CORIN: variants seen among roughly 807,000 people sequenced by gnomAD.
CORIN encodes atrial natriuretic peptide-converting enzyme.
Under a neutral mutation model 125.3 loss-of-function variants are expected in CORIN, and 117 were observed. The ratio of observed to expected loss-of-function variants is 0.93; its 90% CI spans 0.80 to 1.09. CORIN has a LOEUF of 1.09. CORIN is among the 50% of genes least tolerant of loss of function. CORIN has a pLI of 0.00. For missense variants in CORIN, 1,253 were observed against 1,306.7 expected, an observed-to-expected ratio of 0.96 and a Z score of 0.63; for synonymous variants, 450 against 466.4, an observed-to-expected ratio of 0.96 and a Z score of 0.45.
intron 16 of CORIN, among the ~76,000 whole-genome samples, 163 bp from the exon 17 acceptor site, chr4:47,626,684 C>T (rs10005710): frequency 0.26 from 39,687 of 152,116 alleles, 5,405 homozygotes; most frequent in Admixed American, 0.35. Context: ...CTGTTTTAGT[C>T]ATTCTCCCTG....
chr4:47,730,932 AG>A (rs1421281578), intron 5 of CORIN, among the ~76,000 whole-genome samples: 2 of 152,250 alleles, frequency 1.3e-5, no homozygotes, highest in Non-Finnish European at 2.9e-5. Context: ...AGAGGGAGGC[AG>A]CAAGGAAGCC....
intron 4 of CORIN, among the ~76,000 whole-genome samples, chr4:47,761,480 T>TACACACACACACACACACACACACACAC (rs142904418): frequency 6.9e-6 from 1 of 144,410 alleles, no homozygotes; most frequent in African/African-American, 2.5e-5. Flanking sequence ...GAAAATGTGA[T>TACACACACACACACACACACACACACAC]ACACACACAC....
intron 16 of CORIN, among the ~76,000 whole-genome samples, chr4:47,634,159 A>T (rs945188612): frequency 2.0e-5 from 3 of 152,222 alleles, no homozygotes; most frequent in African/African-American, 7.2e-5. Flanking sequence ...AGTACCCTCA[A>T]GGCTCTTCAG....
intron 4 of CORIN, among the ~76,000 whole-genome samples, chr4:47,753,022 C>T (rs1728973612): frequency 6.6e-6 from 1 of 152,108 alleles, no homozygotes; most frequent in Non-Finnish European, 1.5e-5. Context: ...AACCAGCCCC[C>T]AATATTTCAA....
rs567609145 is a variant in CORIN, at chr4:47,680,463, G to A, written c.1022-212C>T. On this transcript the variant is annotated intron_variant, in intron 7 of 21. Coordinates refer to ENST00000273857, the MANE Select transcript of CORIN (RefSeq NM_006587.4). ...CATCACTGTGGGGTAAGATGGGTCT[G>A]TTTTTCAGATAAGTAACTACTCTAG... 22 of 469,554 alleles carry A rather than the reference G, an allele frequency of 4.7e-5. No individual in the cohort carries two copies. The East Asian group carries it at 8.5e-4, about 18-fold the overall frequency. The allele number at this position is 469,554 out of a possible 1,614,324, so 29.1% of individuals were successfully genotyped here. A position where few individuals can be genotyped will look rare whatever the true frequency, so the allele number is the denominator to read the frequency against.
intron 16 of CORIN, among the ~76,000 whole-genome samples, chr4:47,636,105 G>A (rs1027078624): frequency 1.3e-5 from 2 of 152,114 alleles, no homozygotes; most frequent in African/African-American, 4.8e-5. Flanking sequence ...TTGTCTTTGT[G>A]GTTTTGCCCA....
intron 4 of CORIN, among the ~76,000 whole-genome samples, chr4:47,753,916 C>A (rs1024482278): frequency 5.9e-5 from 9 of 152,160 alleles, no homozygotes; most frequent in Non-Finnish European, 1.3e-4. Context: ...TATTTGGGAA[C>A]TGATAAATGT....
intron 19 of CORIN, among the ~76,000 whole-genome samples, chr4:47,620,123 A>T (rs7657209): frequency 0.27 from 40,940 of 152,064 alleles, 5,652 homozygotes; most frequent in Admixed American, 0.35. Context: ...CTTGTTTAAA[A>T]GTGTGTCTCC....
At chr4:47,723,602 CA>C (rs1412641092) in intron 5 of CORIN, among the ~76,000 whole-genome samples, 3 of 152,154 alleles carry the variant, frequency 2.0e-5, no homozygotes, top group African/African-American at 7.2e-5. Flanking sequence ...GAAACAAACA[CA>C]CAAACAAAAT....
At chr4:47,817,244 A>G (rs544471240) in intron 1 of CORIN, among the ~76,000 whole-genome samples, 1 of 151,588 alleles carries the variant, frequency 6.6e-6, no homozygotes, top group South Asian at 2.1e-4. Context: ...GAAGTGGCAG[A>G]ATGTATTAAG....
intron 17 of CORIN, among the ~76,000 whole-genome samples, chr4:47,626,196 C>T (rs563469159): frequency 3.3e-5 from 5 of 151,516 alleles, no homozygotes; most frequent in East Asian, 1.9e-4. Flanking sequence ...TTTCTGTAAT[C>T]GTGAATAAAA....
At chr4:47,623,102 A>C (rs374032055) in intron 19 of CORIN, among the ~76,000 whole-genome samples, 3,064 of 96,412 alleles carry the variant, frequency 0.032, 58 homozygotes, top group Middle Eastern at 0.067. Flanking sequence ...CTCTCTATAT[A>C]TATATATATA....
chr4:47,662,241 C>T (rs1338618586), intron 11 of CORIN, among the ~76,000 whole-genome samples: 1 of 152,106 alleles, frequency 6.6e-6, no homozygotes, highest in Non-Finnish European at 1.5e-5. Flanking sequence ...CCACCAAAGT[C>T]ATTGAATCTA....
chr4:47,609,809 T>C (rs1242585286), intron 19 of CORIN, among the ~76,000 whole-genome samples: 1 of 152,186 alleles, frequency 6.6e-6, no homozygotes, highest in East Asian at 1.9e-4. Context: ...TATGTGTCCA[T>C]GTGTTCTCAT....
chr4:47,757,867 C>CATATATATATGTATATATATATAT (rs964061541), intron 4 of CORIN, among the ~76,000 whole-genome samples: 1 of 91,744 alleles, frequency 1.1e-5, no homozygotes, highest in African/African-American at 4.9e-5. Flanking sequence ...CATATATATA[C>CATATATATATGTATATATATATAT]ATATATATAT....
intron 19 of CORIN, among the ~76,000 whole-genome samples, chr4:47,622,799 T>G (rs1357498367): frequency 6.6e-6 from 1 of 152,072 alleles, no homozygotes; most frequent in Non-Finnish European, 1.5e-5. Flanking sequence ...CTCATCAGGT[T>G]TTGGATTCAC....
intron 3 of CORIN, among the ~76,000 whole-genome samples, chr4:47,768,597 T>C (rs1217668681): frequency 6.6e-6 from 1 of 152,148 alleles, no homozygotes; most frequent in East Asian, 1.9e-4. Flanking sequence ...GCAAACCAAA[T>C]TCAACAGCAC....
At chr4:47,748,563 G>A (rs1728764140) in intron 4 of CORIN, among the ~76,000 whole-genome samples, 1 of 152,088 alleles carries the variant, frequency 6.6e-6, no homozygotes, top group Non-Finnish European at 1.5e-5. Flanking sequence ...TTTTTATGGT[G>A]TTCTCACTAG....
intron 1 of CORIN, among the ~76,000 whole-genome samples, chr4:47,809,787 A>G (rs560155923): frequency 3.6e-4 from 55 of 152,332 alleles, no homozygotes; most frequent in African/African-American, 1.3e-3. Flanking sequence ...TTCTTCTTGA[A>G]TAACTTGCAT....
Sources: allele counts gnomAD v4.1 joint callset (sites outside exome capture counted in the v4.1 genomes callset), GRCh38; gene constraint gnomAD v4.1.1; transcripts MANE v1.5; gene names NCBI Gene and HGNC (gene_info 2026-07-23, HGNC 2026-07-21).